The following TRIM24 variants were observed in gnomAD, a reference collection of about 807,000 sequenced individuals.
TRIM24 encodes transcription intermediary factor 1-alpha.
Under a neutral mutation model 123.9 loss-of-function variants are expected in TRIM24, and 29 were observed. The ratio of observed to expected loss-of-function variants is 0.23; its 90% CI spans 0.17 to 0.32. The LOEUF (loss-of-function observed/expected upper bound fraction) is 0.32, where lower values mean the gene tolerates loss of function less well. Ranked by LOEUF, TRIM24 falls within the 10% of genes least tolerant of loss-of-function variation. The pLI is 1.00. For missense variants in TRIM24, 932 were observed against 1,295.3 expected (o/e 0.72, Z 4.31); for synonymous variants, 456 against 461.1 (o/e 0.99, Z 0.14).
chr7:138,523,768 A>T (rs1226552056), intron 4 of TRIM24, among the ~76,000 whole-genome samples: 2 of 151,796 alleles, frequency 1.3e-5, no homozygotes, highest in Non-Finnish European at 2.9e-5. Flanking sequence ...AAAAAAAAAA[A>T]AAAGCCCCTT....
chr7:138,517,070 C>T (rs1197844281), intron 3 of TRIM24, among the ~76,000 whole-genome samples: 2 of 151,266 alleles, frequency 1.3e-5, no homozygotes, highest in South Asian at 2.1e-4. Context: ...ATTGCCATTA[C>T]ACTCCGTCTG....
intron 1 of TRIM24, among the ~76,000 whole-genome samples, chr7:138,499,283 T>C (rs1795979520): frequency 6.6e-6 from 1 of 152,190 alleles, no homozygotes; most frequent in African/African-American, 2.4e-5. Flanking sequence ...TTTCATATTA[T>C]GAAGGATGTT....
intron 1 of TRIM24, among the ~76,000 whole-genome samples, chr7:138,468,703 T>C (rs1795204916): frequency 6.6e-6 from 1 of 152,206 alleles, no homozygotes; most frequent in Non-Finnish European, 1.5e-5. Flanking sequence ...TTTGCTTCTC[T>C]CTCAATCCCT....
intron 1 of TRIM24, among the ~76,000 whole-genome samples, chr7:138,480,983 A>G (rs185204898): frequency 4.0e-5 from 6 of 150,798 alleles, no homozygotes; most frequent in Non-Finnish European, 7.4e-5. Context: ...TTCATTTTTT[A>G]AAAAGTTATT....
At chr7:138,530,086 G>C (rs1432962566) in intron 6 of TRIM24, among the ~76,000 whole-genome samples, 1 of 152,052 alleles carries the variant, frequency 6.6e-6, no homozygotes, top group Non-Finnish European at 1.5e-5. Context: ...GGTCATTCCT[G>C]TGTATTATCA....
rs1797896780 is a variant in TRIM24 at position 138,581,607 on chromosome 7, CT to C, written c.2719-87del. ...CTGGGTTTTAATTTTTAGTCTGACA[CT>C]TTGGGACCTCTGAGATTGTTATTTA... On this transcript the variant is annotated intron_variant, in intron 16 of 18. Transcript: ENST00000343526. 5.3e-6 allele frequency: 6 copies of C among 1,127,540 alleles called. No homozygotes were observed. In the East Asian group the frequency reaches 1.5e-4, roughly 29 times the overall value. The allele number at this position is 1,127,540 out of a possible 1,614,324, so 69.8% of individuals were successfully genotyped here. A position where few individuals can be genotyped will look rare whatever the true frequency, so the allele number is the denominator to read the frequency against.
intron 1 of TRIM24, among the ~76,000 whole-genome samples, chr7:138,472,516 C>T (rs1563022779): frequency 6.6e-6 from 1 of 152,106 alleles, no homozygotes; most frequent in South Asian, 2.1e-4. Context: ...GTGAGGTCGT[C>T]TGCTGAGAAT....
intron 15 of TRIM24, 57 bp from the exon 16 acceptor site, chr7:138,580,505 A>G: frequency 6.4e-7 from 1 of 1,565,976 alleles, no homozygotes; most frequent in Non-Finnish European, 8.7e-7. Context: ...GGAAAGGGAA[A>G]TAGTGAAGAG....
At position 138,576,408 on chromosome 7, in the gene TRIM24, C is replaced by T. The variant is rs762354802; in HGVS notation, c.2050C>T (p.Arg684Cys). ...TATGACTAGTGTACACCCCCCAATACGTTCACCTAGTGCCTCCAGCGTTGG... is the reference window on the plus strand; with the variant it reads ...TATGACTAGTGTACACCCCCCAATATGTTCACCTAGTGCCTCCAGCGTTGG... ...VTMTSVHPPIRSPSASSVGSR... is the reference protein window; with the variant it reads ...VTMTSVHPPICSPSASSVGSR... Residue 684 changes from arginine to cysteine, a missense_variant, in exon 13 of 19, where the codon CGT becomes TGT. This residue lies in a region of TRIM24 where 527 missense variants were observed against 691.3 expected (regional missense o/e 0.76). Transcript: ENST00000343526. 8.7e-6 allele frequency: 14 copies of T among 1,613,738 alleles called. No homozygotes were observed. Among genetic ancestry groups the T allele is most frequent in the East Asian group, 4.5e-5 (2 of 44,890 alleles).
intron 1 of TRIM24, among the ~76,000 whole-genome samples, chr7:138,467,663 G>T (rs1276894083): frequency 6.6e-6 from 1 of 152,146 alleles, no homozygotes; most frequent in Non-Finnish European, 1.5e-5. Context: ...AACAATATTG[G>T]TTCTTCCAAT....
intron 1 of TRIM24, among the ~76,000 whole-genome samples, chr7:138,497,491 C>G (rs1356474844): frequency 1.3e-5 from 2 of 148,970 alleles, no homozygotes; most frequent in Admixed American, 1.3e-4. Flanking sequence ...GCCTCCACCT[C>G]CTGGGTTCAA....
At chr7:138,516,305 A>AAAT (rs967462132) in intron 3 of TRIM24, among the ~76,000 whole-genome samples, 17 of 152,106 alleles carry the variant, frequency 1.1e-4, no homozygotes, top group East Asian at 3.9e-4. Context: ...CCGTCTCAAA[A>AAAT]AATAATAATA....
chr7:138,576,475 T>C (rs780954416), intron 13 of TRIM24, 30 bp downstream of exon 13: 3 of 1,592,632 alleles, frequency 1.9e-6, no homozygotes, highest in Non-Finnish European at 1.7e-6. Context: ...TTTTCTAGTA[T>C]ATAAAAATCT....
chr7:138,496,861 T>A (rs145698976), intron 1 of TRIM24, among the ~76,000 whole-genome samples: 4 of 152,268 alleles, frequency 2.6e-5, no homozygotes, highest in Non-Finnish European at 4.4e-5. Context: ...CTTTTCTCCC[T>A]TATTTTGTTA....
chr7:138,503,946 G>A (rs1430278237), intron 1 of TRIM24, among the ~76,000 whole-genome samples: 1 of 152,120 alleles, frequency 6.6e-6, no homozygotes, highest in African/African-American at 2.4e-5. Context: ...GAAAACCTGA[G>A]CTCCTTGTTC....
chr7:138,465,623 A>G (rs1213388253), intron 1 of TRIM24, among the ~76,000 whole-genome samples: 1 of 152,214 alleles, frequency 6.6e-6, no homozygotes, highest in Non-Finnish European at 1.5e-5. Context: ...ATACGTAACT[A>G]TTCTGGGACT....
chr7:138,502,099 T>C (rs1189005814), intron 1 of TRIM24, among the ~76,000 whole-genome samples: 1 of 152,174 alleles, frequency 6.6e-6, no homozygotes, highest in African/African-American at 2.4e-5. Flanking sequence ...TATCCATGAC[T>C]CAGAATTTAT....
chr7:138,483,751 G>T (rs1032104622), intron 1 of TRIM24, among the ~76,000 whole-genome samples: 1 of 152,224 alleles, frequency 6.6e-6, no homozygotes, highest in Non-Finnish European at 1.5e-5. Flanking sequence ...GGGACTGTGG[G>T]AGGTAGCCTT....
intron 2 of TRIM24, among the ~76,000 whole-genome samples, chr7:138,508,700 C>CGCGTGTGTGCGTGTGT (rs1182276337): frequency 1.1e-4 from 4 of 35,510 alleles, no homozygotes; most frequent in Non-Finnish European, 1.6e-4. Flanking sequence ...TGTGCGCGCG[C>CGCGTGTGTGCGTGTGT]GTGTGTGCGT....
Sources: allele counts gnomAD v4.1 joint callset (sites outside exome capture counted in the v4.1 genomes callset), GRCh38; gene constraint gnomAD v4.1.1; regional missense constraint gnomAD v4.1.1; transcripts MANE v1.5; gene names NCBI Gene and HGNC (gene_info 2026-07-23, HGNC 2026-07-21).